Variants in TBPL1 observed in about 807,000 individuals in gnomAD.
The protein encoded by TBPL1 is TATA-box binding protein like 1.
TBPL1 carries 4 observed loss-of-function variants against 22.1 expected under a neutral mutation model. The observed-to-expected ratio is 0.18, with a 90% CI of 0.09 to 0.41. The LOEUF is 0.41. TBPL1 is among the 10% of genes least tolerant of loss of function. The pLI, the probability that TBPL1 is intolerant of heterozygous loss-of-function variation, is 1.00. For missense variants in TBPL1, 115 were observed against 222.3 expected, an observed-to-expected ratio of 0.52 and a Z score of 3.07; for synonymous variants, 64 against 71.0, an observed-to-expected ratio of 0.90 and a Z score of 0.50.
At chr6:133,963,777 TC>T (rs1776065170) in intron 1 of TBPL1, among the ~76,000 whole-genome samples, 1 of 149,278 alleles carries the variant, frequency 6.7e-6, no homozygotes, top group Admixed American at 6.7e-5. Flanking sequence ...ACGCCTGTAA[TC>T]CCAGCACTTT....
intron 1 of TBPL1, among the ~76,000 whole-genome samples, chr6:133,965,198 A>G (rs989688983): frequency 1.3e-5 from 2 of 152,232 alleles, no homozygotes; most frequent in African/African-American, 4.8e-5. Context: ...AGTCTTACAA[A>G]TTATAGTCAC....
In TBPL1 at chr6:133,973,480, G is replaced by A. The variant is rs567819219; in HGVS notation, c.-44-6602G>A. 2.0e-5 allele frequency among the ~76,000 whole-genome samples: 3 copies of A among 152,146 alleles called. No homozygotes were observed. The South Asian group carries it at 6.2e-4, about 32-fold the overall frequency. ...ATTTTTGCTTCGTTTTTATGACAGG[G>A]TTTATTGTGGCCTTTCAGTTTAAAT... On this transcript the variant is annotated intron_variant, in intron 1 of 6. Coordinates refer to ENST00000237264, the MANE Select transcript of TBPL1 (RefSeq NM_004865.4).
chr6:133,990,091 G>A lies in TBPL1; in HGVS notation c.*3051G>A, dbSNP rs774246929. 6.6e-6 allele frequency: 1 copy of A among 152,670 alleles called. No homozygotes were observed. The highest frequency in any genetic ancestry group is 1.5e-5 in the Non-Finnish European group (1 of 68,042). The allele number at this position is 152,670 out of a possible 1,614,324, so 9.5% of individuals were successfully genotyped here. Reference sequence around the variant, plus strand: ...TCATCGTTGTGTGGGTGAAACCCACGTTGCTGGTACAGGTGGCCATCATAG... The same window carrying A: ...TCATCGTTGTGTGGGTGAAACCCACATTGCTGGTACAGGTGGCCATCATAG... On this transcript the variant is annotated 3_prime_UTR_variant, in exon 7 of 7. Coordinates refer to ENST00000237264, the MANE Select transcript of TBPL1 (RefSeq NM_004865.4).
In TBPL1 at chr6:133,989,402, A is replaced by G. The variant is rs139314352; in HGVS notation, c.*2362A>G. 3.9e-3 allele frequency: 596 copies of G among 152,304 alleles called. 6 individuals are homozygous for G. The highest frequency in any genetic ancestry group is 0.013 in the African/African-American group (560 of 41,546). The allele number at this position is 152,304 out of a possible 1,614,324, so 9.4% of individuals were successfully genotyped here. On this transcript the variant is annotated 3_prime_UTR_variant, in exon 7 of 7. Transcript: ENST00000237264. Reference sequence around the variant, plus strand: ...TACTGAAGTCAAGGTCACTAGTAATAAACTGGCTAGGTTGATAAACAATTT... The same window carrying G: ...TACTGAAGTCAAGGTCACTAGTAATGAACTGGCTAGGTTGATAAACAATTT...
chr6:133,954,604 G>C (rs1265956947), intron 1 of TBPL1, among the ~76,000 whole-genome samples: 1 of 152,202 alleles, frequency 6.6e-6, no homozygotes, highest in African/African-American at 2.4e-5. Context: ...AGGTTTTCCT[G>C]TAGCACAATG....
chr6:133,969,384 A>G (rs1391182807), intron 1 of TBPL1, among the ~76,000 whole-genome samples: 1 of 152,010 alleles, frequency 6.6e-6, no homozygotes, highest in African/African-American at 2.4e-5. Flanking sequence ...CTTTGATACA[A>G]AATTATTCAC....
chr6:133,966,017 TA>T (rs1318141676), intron 1 of TBPL1, among the ~76,000 whole-genome samples: 1 of 152,154 alleles, frequency 6.6e-6, no homozygotes. Context: ...TAATAAGTGG[TA>T]GAGTCTAGAT....
At chr6:133,976,021 T>C (rs1776306620) in intron 1 of TBPL1, among the ~76,000 whole-genome samples, 1 of 152,166 alleles carries the variant, frequency 6.6e-6, no homozygotes, top group African/African-American at 2.4e-5. Context: ...CACATTCCCC[T>C]TGGAATCTAT....
chr6:133,957,026 T>C (rs73774169), intron 1 of TBPL1, among the ~76,000 whole-genome samples: 21,815 of 152,226 alleles, frequency 0.14, 2,017 homozygotes, highest in African/African-American at 0.27. Context: ...AGCAAGATTC[T>C]GGAAGTATGT....
chr6:133,984,462 C>T lies in TBPL1; in HGVS notation c.369C>T (p.Asn123=), dbSNP rs1776472473. ...TCCGTTTGCCAGAATTCACAAAGAA[C>T]AATAGACCTCATGCCAGGTAAGTCT... ...FEIRLPEFTK[N]NRPHASYEPE... Residue 123 remains asparagine (N), a synonymous_variant, in exon 5 of 7, where the codon AAC becomes AAT. Coordinates refer to ENST00000237264, the MANE Select transcript of TBPL1 (RefSeq NM_004865.4). 1 of 1,613,616 alleles carries T rather than the reference C, an allele frequency of 6.2e-7. No homozygotes were observed. The highest frequency in any genetic ancestry group is 8.5e-7 in the Non-Finnish European group (1 of 1,179,808).
At position 133,953,262 on chromosome 6, in the gene TBPL1, G is replaced by C. The variant is rs909754812; in HGVS notation, c.-208G>C. ...CAACAAAGCAAGGAAGACGGAGTCC[G>C]AGCCTCGGGGGCTCCTAGCAACGGG... On this transcript the variant is annotated 5_prime_UTR_variant, in exon 1 of 7. Transcript: ENST00000237264. The C allele has an allele frequency of 6.5e-6, 1 of 152,878 alleles. No individual in the cohort carries two copies. Among genetic ancestry groups the C allele is most frequent in the Non-Finnish European group, 1.5e-5 (1 of 68,214 alleles). The allele number at this position is 152,878 out of a possible 1,614,324, so 9.5% of individuals were successfully genotyped here.
chr6:133,959,205 A>G (rs1371729702), intron 1 of TBPL1, among the ~76,000 whole-genome samples: 1 of 151,954 alleles, frequency 6.6e-6, no homozygotes, highest in African/African-American at 2.4e-5. Flanking sequence ...ACGCCTAGCT[A>G]ATTTTTATAT....
In TBPL1 at chr6:133,980,083, A is replaced by G. The variant is rs1776382012; in HGVS notation, c.-43A>G. On this transcript the variant is annotated splice_region_variant and 5_prime_UTR_variant, in exon 2 of 7. An upstream start codon of the reference 5' UTR is lost. Coordinates refer to ENST00000237264, the MANE Select transcript of TBPL1 (RefSeq NM_004865.4). ...ACTTTATTTTGTTTTATTTCTCAGGATGTGATCTTCGTGGTGGAAAGCTAA... is the reference window on the plus strand; with the variant it reads ...ACTTTATTTTGTTTTATTTCTCAGGGTGTGATCTTCGTGGTGGAAAGCTAA... 1 of 1,437,806 alleles carries G rather than the reference A, an allele frequency of 7.0e-7. No homozygotes were observed. Among genetic ancestry groups the G allele is most frequent in the African/African-American group, 1.5e-5 (1 of 68,656 alleles). 89.1% of individuals were successfully genotyped at this position (1,437,806 alleles called of 1,614,324 possible). A position where few individuals can be genotyped will look rare whatever the true frequency, so the allele number is the denominator to read the frequency against.
intron 1 of TBPL1, among the ~76,000 whole-genome samples, chr6:133,968,456 A>T (rs964121891): frequency 6.6e-6 from 1 of 152,192 alleles, no homozygotes; most frequent in East Asian, 1.9e-4. Context: ...TCCTTTATCC[A>T]CAATAGTATA....
intron 1 of TBPL1, among the ~76,000 whole-genome samples, chr6:133,968,378 T>A (rs939822808): frequency 1.3e-5 from 2 of 152,242 alleles, no homozygotes; most frequent in South Asian, 4.1e-4. Flanking sequence ...AGGAATCATA[T>A]GCCAAATTTC....
intron 1 of TBPL1, among the ~76,000 whole-genome samples, chr6:133,962,079 A>G (rs574650552): frequency 2.0e-5 from 3 of 152,274 alleles, no homozygotes; most frequent in African/African-American, 4.8e-5. Flanking sequence ...TTAGGCAGCT[A>G]TAAAACCGCG....
chr6:133,983,286 G>T (rs145643019), intron 4 of TBPL1, among the ~76,000 whole-genome samples: 49 of 152,354 alleles, frequency 3.2e-4, no homozygotes, highest in African/African-American at 1.1e-3. Context: ...CACTTGTAAC[G>T]TGACTGTCAC....
intron 1 of TBPL1, among the ~76,000 whole-genome samples, chr6:133,973,309 T>G (rs185016624): frequency 6.6e-6 from 1 of 152,334 alleles, no homozygotes; most frequent in Non-Finnish European, 1.5e-5. Context: ...TCTTAGATCA[T>G]AGATGGTAAT....
chr6:133,982,506 T>C (rs1776434404), intron 2 of TBPL1, 62 bp from the exon 3 acceptor site: 1 of 1,463,122 alleles, frequency 6.8e-7, no homozygotes, highest in South Asian at 1.2e-5. Context: ...TATGACTATA[T>C]AGAACAGAAC....
Sources: gnomAD v4.1 joint callset for allele counts (sites outside exome capture counted in the v4.1 genomes callset) on GRCh38, gnomAD v4.1.1 for gene constraint, MANE v1.5 for transcripts, NCBI Gene and HGNC (gene_info 2026-07-23, HGNC 2026-07-21) for gene names.